DCC: variants seen among roughly 807,000 people sequenced by gnomAD.
The protein encoded by DCC is DCC netrin 1 receptor, also known as netrin receptor DCC.
In DCC, 58 loss-of-function variants were observed where a neutral mutation model predicts 172.5. The observed-to-expected ratio is 0.34, with a 90% confidence interval of 0.27 to 0.42. DCC has a LOEUF of 0.42. Ranked by LOEUF, DCC falls within the 10% of genes least tolerant of loss-of-function variation. DCC has a pLI of 1.00. For synonymous variants in DCC, 709 were observed against 644.5 expected (o/e 1.10, Z -1.52); for missense variants, 1,740 against 1,791.0 (o/e 0.97, Z 0.51).
intron 1 of DCC, among the ~76,000 whole-genome samples, chr18:52,542,072 A>C (rs558980016): frequency 6.7e-6 from 1 of 149,724 alleles, no homozygotes; most frequent in Non-Finnish European, 1.5e-5. Flanking sequence ...CATTTATGAC[A>C]CCATTACCTT....
At chr18:53,098,296 T>G (rs1429016112) in intron 7 of DCC, among the ~76,000 whole-genome samples, 2 of 152,154 alleles carry the variant, frequency 1.3e-5, no homozygotes, top group Non-Finnish European at 2.9e-5. Flanking sequence ...TTATGTTCTC[T>G]TTTTACAGAG....
chr18:52,942,788 C>G (rs910319353), intron 5 of DCC, among the ~76,000 whole-genome samples: 9 of 152,170 alleles, frequency 5.9e-5, no homozygotes, highest in African/African-American at 2.2e-4. Flanking sequence ...TGGGTGGGGA[C>G]ACAGAGCCAA....
At chr18:52,466,477 T>G (rs903371403) in intron 1 of DCC, among the ~76,000 whole-genome samples, 3 of 152,120 alleles carry the variant, frequency 2.0e-5, no homozygotes, top group African/African-American at 7.2e-5. Context: ...TGGGTACTAC[T>G]TCAGGGGATA....
intron 1 of DCC, among the ~76,000 whole-genome samples, chr18:52,410,917 A>C (rs774435914): frequency 6.6e-6 from 1 of 152,168 alleles, no homozygotes; most frequent in Non-Finnish European, 1.5e-5. Context: ...CTTTTAGAAA[A>C]ATCTCAGTAC....
chr18:52,445,147 G>A (rs1396278271), intron 1 of DCC, among the ~76,000 whole-genome samples: 1 of 152,104 alleles, frequency 6.6e-6, no homozygotes, highest in East Asian at 1.9e-4. Flanking sequence ...CAATCAACCT[G>A]AAAACTTAGT....
chr18:53,334,550 T>C (rs991404089), intron 14 of DCC, among the ~76,000 whole-genome samples: 3 of 152,160 alleles, frequency 2.0e-5, no homozygotes, highest in African/African-American at 7.2e-5. Context: ...CTTGCAAAAG[T>C]GAAGTGCTGT....
chr18:52,363,806 G>A (rs1289091101), intron 1 of DCC, among the ~76,000 whole-genome samples: 1 of 152,166 alleles, frequency 6.6e-6, no homozygotes, highest in African/African-American at 2.4e-5. Context: ...CCTCCATTCT[G>A]ATTGGTGAGT....
intron 1 of DCC, among the ~76,000 whole-genome samples, chr18:52,626,699 T>A (rs1280021775): frequency 1.3e-5 from 2 of 152,152 alleles, no homozygotes; most frequent in African/African-American, 4.8e-5. Flanking sequence ...CAACAGTAAA[T>A]TTGAAACAAA....
At chr18:52,947,084 C>A (rs1249161679) in intron 5 of DCC, among the ~76,000 whole-genome samples, 2 of 152,098 alleles carry the variant, frequency 1.3e-5, no homozygotes, top group Non-Finnish European at 2.9e-5. Flanking sequence ...AGTTAACAAA[C>A]TGCTCTTGCT....
intron 1 of DCC, among the ~76,000 whole-genome samples, chr18:52,744,237 T>C (rs905652130): frequency 2.0e-5 from 3 of 152,196 alleles, no homozygotes; most frequent in Non-Finnish European, 4.4e-5. Flanking sequence ...CATATGAAAT[T>C]CTAATATAAC....
chr18:52,958,472 C>G (rs2040784053), intron 5 of DCC, among the ~76,000 whole-genome samples: 1 of 151,904 alleles, frequency 6.6e-6, no homozygotes, highest in Non-Finnish European at 1.5e-5. Flanking sequence ...TTTAATAATT[C>G]CATATTTTCA....
At chr18:53,522,612 C>T (rs1042805855) in intron 27 of DCC, among the ~76,000 whole-genome samples, 5 of 152,120 alleles carry the variant, frequency 3.3e-5, no homozygotes, top group African/African-American at 9.7e-5. Flanking sequence ...AGAAACATCA[C>T]CACACGCCTA....
At chr18:52,437,884 A>G (rs1568170398) in intron 1 of DCC, among the ~76,000 whole-genome samples, 2 of 152,160 alleles carry the variant, frequency 1.3e-5, no homozygotes, top group East Asian at 3.9e-4. Context: ...TGCCTCCAGA[A>G]ATCACTCAGC....
chr18:53,406,409 A>AAAAAAAAG (rs113958073), intron 19 of DCC, among the ~76,000 whole-genome samples: 12 of 150,138 alleles, frequency 8.0e-5, no homozygotes, highest in Non-Finnish European at 1.2e-4. Flanking sequence ...AGGTTTAAAA[A>AAAAAAAAG]AAAAAGAGAA....
At chr18:52,547,259 A>G (rs2032641781) in intron 1 of DCC, among the ~76,000 whole-genome samples, 1 of 152,160 alleles carries the variant, frequency 6.6e-6, no homozygotes, top group Non-Finnish European at 1.5e-5. Flanking sequence ...ATTATATTTT[A>G]TTGGGACTTT....
At chr18:53,100,832 G>C (rs11876419) in intron 7 of DCC, among the ~76,000 whole-genome samples, 104,708 of 151,840 alleles carry the variant, frequency 0.69, 37,937 homozygotes, top group African/African-American at 0.9. Context: ...AAAAAAATGG[G>C]CAGAGGAATG....
chr18:53,042,023 C>T lies in DCC; in HGVS notation c.986-21282C>T, dbSNP rs528772318. Among the ~76,000 whole-genome samples the T allele has an allele frequency of 4.6e-5, 7 of 152,076 alleles. No homozygotes were observed. In the East Asian group the frequency reaches 7.8e-4, roughly 17 times the overall value. On this transcript the variant is annotated intron_variant, in intron 5 of 28. Transcript: ENST00000442544. ...CTTTTTCTTGCCAGATTGTCCTGAC[C>T]AGAACTTCCAATACTGTGTTGAACG...
At chr18:52,852,543 ATGTTT>A (rs1307138185) in intron 2 of DCC, among the ~76,000 whole-genome samples, 1 of 151,676 alleles carries the variant, frequency 6.6e-6, no homozygotes, top group Non-Finnish European at 1.5e-5. Context: ...CAAGGTGAAA[ATGTTT>A]TGTTTATTTC....
chr18:52,387,092 A>G (rs988911012), intron 1 of DCC, among the ~76,000 whole-genome samples: 3 of 152,308 alleles, frequency 2.0e-5, no homozygotes, highest in Middle Eastern at 3.4e-3. Flanking sequence ...TGTCTTTCTC[A>G]TATTTTCTTA....
Sources: gnomAD v4.1 joint callset for allele counts (sites outside exome capture counted in the v4.1 genomes callset) on GRCh38, gnomAD v4.1.1 for gene constraint, MANE v1.5 for transcripts, NCBI Gene and HGNC (gene_info 2026-07-23, HGNC 2026-07-21) for gene names.